The following ZNF423 variants were observed in gnomAD, a reference collection of about 807,000 sequenced individuals.
The protein encoded by ZNF423 is Ebf-associated zinc finger protein.
In ZNF423, 12 loss-of-function variants were observed where a neutral mutation model predicts 95.8. The ratio of observed to expected loss-of-function variants is 0.13; its 90% CI spans 0.08 to 0.20. The LOEUF is 0.20. ZNF423 is among the 10% of genes least tolerant of loss of function. ZNF423 has a pLI of 1.00. For synonymous variants in ZNF423, 749 were observed against 711.9 expected (o/e 1.05, Z -0.83); for missense variants, 1,316 against 1,737.1 (o/e 0.76, Z 4.31).
chr16:49,600,870 C>T (rs115483435), intron 5 of ZNF423, among the ~76,000 whole-genome samples: 2,427 of 152,268 alleles, frequency 0.016, 60 homozygotes, highest in African/African-American at 0.055. Flanking sequence ...GGCTCCGGCC[C>T]GGCCGGCGGC....
chr16:49,673,683 A>T (rs1457016699), intron 3 of ZNF423, among the ~76,000 whole-genome samples: 1 of 152,270 alleles, frequency 6.6e-6, no homozygotes, highest in Non-Finnish European at 1.5e-5. Context: ...GTATGTATGC[A>T]TGTGCACACA....
At chr16:49,817,722 C>T (rs2034878424) in intron 1 of ZNF423, among the ~76,000 whole-genome samples, 1 of 152,186 alleles carries the variant, frequency 6.6e-6, no homozygotes, top group Non-Finnish European at 1.5e-5. Context: ...AACAAGACCA[C>T]CATGTCACTT....
At chr16:49,793,072 T>C (rs1464735288) in intron 1 of ZNF423, among the ~76,000 whole-genome samples, 2 of 152,112 alleles carry the variant, frequency 1.3e-5, no homozygotes. Flanking sequence ...CTGGTTTTTA[T>C]ACATTCTTGA....
chr16:49,779,508 T>C (rs2034174105), intron 2 of ZNF423, among the ~76,000 whole-genome samples: 1 of 151,996 alleles, frequency 6.6e-6, no homozygotes, highest in Non-Finnish European at 1.5e-5. Flanking sequence ...ATCTTGACAA[T>C]TTGCACACAT....
chr16:49,715,807 G>A (rs903579582), intron 3 of ZNF423, among the ~76,000 whole-genome samples: 3 of 151,986 alleles, frequency 2.0e-5, no homozygotes, highest in Non-Finnish European at 4.4e-5. Context: ...AGTAGCTGAG[G>A]CAGGAGGAAT....
At chr16:49,505,364 T>C (rs1468022082) in intron 7 of ZNF423, among the ~76,000 whole-genome samples, 1 of 152,216 alleles carries the variant, frequency 6.6e-6, no homozygotes, top group Non-Finnish European at 1.5e-5. Flanking sequence ...CATTTTTACT[T>C]TCTTCCAAAT....
At chr16:49,793,825 G>A (rs1023908981) in intron 1 of ZNF423, among the ~76,000 whole-genome samples, 5 of 152,170 alleles carry the variant, frequency 3.3e-5, no homozygotes, top group African/African-American at 7.2e-5. Flanking sequence ...GAATACACAG[G>A]GAGGGGGCAC....
At chr16:49,556,958 G>A (rs1469985978) in intron 5 of ZNF423, among the ~76,000 whole-genome samples, 2 of 152,124 alleles carry the variant, frequency 1.3e-5, no homozygotes, top group East Asian at 3.8e-4. Flanking sequence ...GTGGGAGAAG[G>A]CAGGAAAAAA....
chr16:49,768,178 T>C (rs569257757), intron 2 of ZNF423, among the ~76,000 whole-genome samples: 2 of 152,310 alleles, frequency 1.3e-5, no homozygotes, highest in South Asian at 4.1e-4. Flanking sequence ...GTGGACAGTC[T>C]GCAGCTCCCA....
At chr16:49,530,890 T>C (rs1239472827) in intron 5 of ZNF423, among the ~76,000 whole-genome samples, 1 of 152,126 alleles carries the variant, frequency 6.6e-6, no homozygotes, top group Non-Finnish European at 1.5e-5. Flanking sequence ...TCTCTGGCTT[T>C]AGAAAATTCA....
chr16:49,787,554 C>A (rs1445484198), intron 2 of ZNF423, among the ~76,000 whole-genome samples: 1 of 152,208 alleles, frequency 6.6e-6, no homozygotes, highest in Non-Finnish European at 1.5e-5. Flanking sequence ...TACTCCCAGG[C>A]ACCCCAGAGA....
chr16:49,519,024 C>A (rs956701714), intron 7 of ZNF423, among the ~76,000 whole-genome samples: 2 of 152,192 alleles, frequency 1.3e-5, no homozygotes, highest in Non-Finnish European at 2.9e-5. Context: ...TGATCACACT[C>A]CTGCACTCCA....
chr16:49,851,762 T>C (rs1250299108), intron 1 of ZNF423, among the ~76,000 whole-genome samples: 1 of 152,228 alleles, frequency 6.6e-6, no homozygotes, highest in East Asian at 1.9e-4. Flanking sequence ...AGTTATCTTA[T>C]TTTATTGCTT....
chr16:49,488,163 GTTCCATCCCTAGGAACAC>G lies in ZNF423; in HGVS notation c.*3094_*3111del, dbSNP rs1368416999. 1 of 152,224 alleles carries G rather than the reference GTTCCATCCCTAGGAACAC, an allele frequency of 6.6e-6. No homozygotes were observed. Among genetic ancestry groups the G allele is most frequent in the Non-Finnish European group, 1.5e-5 (1 of 68,052 alleles). 9.4% of individuals were successfully genotyped at this position (152,224 alleles called of 1,614,324 possible). The stretch of plus-strand genomic sequence containing the variant: ...ATTTACTGAATATTTATAGGTACAG[GTTCCATCCCTAGGAACAC>G]ACACCTTAGGAGGGAAGAAAAACAG... On this transcript the variant is annotated 3_prime_UTR_variant, in exon 8 of 8. Coordinates refer to ENST00000563137, the MANE Select transcript of ZNF423 (RefSeq NM_001379286.1).
chr16:49,528,358 C>T (rs1968700139), intron 5 of ZNF423, among the ~76,000 whole-genome samples: 1 of 152,166 alleles, frequency 6.6e-6, no homozygotes, highest in Non-Finnish European at 1.5e-5. Flanking sequence ...AGTCAGGCAG[C>T]CCTGGAGCTG....
At chr16:49,647,210 C>T (rs988056561) in intron 3 of ZNF423, among the ~76,000 whole-genome samples, 1 of 152,218 alleles carries the variant, frequency 6.6e-6, no homozygotes, top group African/African-American at 2.4e-5. Context: ...AGCTTTACAA[C>T]CCCACCTGCC....
intron 2 of ZNF423, among the ~76,000 whole-genome samples, chr16:49,733,249 G>T (rs2033211329): frequency 6.6e-6 from 1 of 151,994 alleles, no homozygotes; most frequent in Non-Finnish European, 1.5e-5. Context: ...GAAAATAAAA[G>T]AGCCATAATT....
chr16:49,657,685 C>CA (rs757032595), intron 3 of ZNF423, among the ~76,000 whole-genome samples: 1 of 152,240 alleles, frequency 6.6e-6, no homozygotes, highest in Non-Finnish European at 1.5e-5. Flanking sequence ...GCAGGCTCAA[C>CA]ACTGCACCCC....
intron 1 of ZNF423, chr16:49,854,959 A>G: frequency 2.0e-6 from 2 of 984,872 alleles, no homozygotes; most frequent in Non-Finnish European, 2.4e-6. Flanking sequence ...GCCCGGGGTC[A>G]GATCCGGGGC....
Sources: allele counts gnomAD v4.1 joint callset (sites outside exome capture counted in the v4.1 genomes callset), GRCh38; gene constraint gnomAD v4.1.1; transcripts MANE v1.5; gene names NCBI Gene and HGNC (gene_info 2026-07-23, HGNC 2026-07-21).